Variants in VAV2 observed in about 807,000 individuals in gnomAD.
VAV2 encodes guanine nucleotide exchange factor VAV2.
A neutral mutation model predicts 132.5 loss-of-function variants in VAV2; 67 were observed. The ratio of observed to expected loss-of-function variants is 0.51; its 90% CI spans 0.42 to 0.62. The LOEUF (loss-of-function observed/expected upper bound fraction) is 0.62, where lower values mean the gene tolerates loss of function less well. Ranked by LOEUF, VAV2 falls within the 20% of genes least tolerant of loss-of-function variation. VAV2 has a pLI of 0.00. For missense variants in VAV2, 938 were observed against 1,153.6 expected, an observed-to-expected ratio of 0.81 and a Z score of 2.71; for synonymous variants, 492 against 443.5, an observed-to-expected ratio of 1.11 and a Z score of -1.37.
At chr9:133,862,299 G>A (rs546205857) in intron 2 of VAV2, among the ~76,000 whole-genome samples, 1 of 152,364 alleles carries the variant, frequency 6.6e-6, no homozygotes, top group East Asian at 1.9e-4. Flanking sequence ...AGATGAATAC[G>A]GGGAACCCGC....
rs1833530431 is a variant in VAV2, at chr9:133,769,089, C to T, written c.2434+328G>A. 1.3e-5 allele frequency among the ~76,000 whole-genome samples: 2 copies of T among 152,246 alleles called. No homozygotes were observed. The highest frequency in any genetic ancestry group is 4.8e-5 in the African/African-American group (2 of 41,462). On this transcript the variant is annotated intron_variant, in intron 28 of 29. Transcript: ENST00000371850. This position sits in a 1 kb window ranked among gnomAD's most constrained non-coding sequence, Gnocchi z 8.1. ...CAAGTCCCACAGCTCCTCCTCGTGG[C>T]CACCTGCTTTCTGCTACCAGAGGCA...
At chr9:133,872,435 G>A (rs779323573) in intron 2 of VAV2, among the ~76,000 whole-genome samples, 8 of 152,164 alleles carry the variant, frequency 5.3e-5, no homozygotes, top group Admixed American at 2.6e-4. Context: ...TCCGCGCACC[G>A]TCTTTTCCCC....
chr9:133,792,652 A>G (rs3824559), intron 12 of VAV2, among the ~76,000 whole-genome samples: 74,282 of 147,120 alleles, frequency 0.5, 19,144 homozygotes, highest in South Asian at 0.56. Flanking sequence ...GCACGCACAT[A>G]CATGCAGGAG....
chr9:133,782,143 A>G (rs1481497680), intron 19 of VAV2, among the ~76,000 whole-genome samples: 1 of 152,184 alleles, frequency 6.6e-6, no homozygotes, highest in East Asian at 1.9e-4. Flanking sequence ...CAAAAAAAGA[A>G]AACTTGGAAG....
chr9:133,899,428 A>AG (rs1344224384), intron 2 of VAV2, among the ~76,000 whole-genome samples: 2 of 151,374 alleles, frequency 1.3e-5, no homozygotes, highest in Non-Finnish European at 2.9e-5. Context: ...TTTATTTATG[A>AG]GATGGGGTCT....
intron 1 of VAV2, among the ~76,000 whole-genome samples, chr9:133,941,648 G>A (rs1841166906): frequency 6.6e-6 from 1 of 150,918 alleles, no homozygotes; most frequent in African/African-American, 2.4e-5. Context: ...TGTTTCCCAG[G>A]CTGGAGTGTA....
chr9:133,850,914 C>A (rs1269594257), intron 3 of VAV2, among the ~76,000 whole-genome samples: 1 of 152,224 alleles, frequency 6.6e-6, no homozygotes. Context: ...GACTGGCACA[C>A]CTAGGATGTC....
intron 23 of VAV2, 52 bp downstream of exon 23, chr9:133,777,337 C>G (rs1833851359): frequency 6.3e-7 from 1 of 1,597,540 alleles, no homozygotes; most frequent in African/African-American, 1.3e-5. Flanking sequence ...CTCCCAGAAC[C>G]CTCAGCACCC....
intron 4 of VAV2, among the ~76,000 whole-genome samples, chr9:133,815,530 G>T (rs1011209812): frequency 6.6e-6 from 1 of 152,120 alleles, no homozygotes; most frequent in East Asian, 1.9e-4. Flanking sequence ...TCTGTAGAAT[G>T]TCAACGGTGT....
At chr9:133,939,300 G>C in intron 1 of VAV2, 81 bp from the exon 2 acceptor site, 3 of 1,226,054 alleles carry the variant, frequency 2.4e-6, no homozygotes, top group Non-Finnish European at 3.6e-6. Context: ...AGCAACAGCA[G>C]CAAGCTCTGG....
chr9:133,846,037 A>C (rs1836920685), intron 3 of VAV2, among the ~76,000 whole-genome samples: 1 of 152,184 alleles, frequency 6.6e-6, no homozygotes, highest in African/African-American at 2.4e-5. Context: ...TTTCCTCTAC[A>C]TTCACAGAGC....
At chr9:133,764,188 G>A in intron 29 of VAV2, 79 bp from the exon 30 acceptor site, 2 of 1,578,816 alleles carry the variant, frequency 1.3e-6, no homozygotes, top group Non-Finnish European at 1.7e-6. Context: ...GTTGGGGTGA[G>A]GGCAAGTAGA....
At position 133,885,185 on chromosome 9, in the gene VAV2, G is replaced by A. The variant is rs770013188; in HGVS notation, c.322-23753C>T. ...GACTTCATTTGCTCCAGTGTCCTGCGATTGATTCTTCTGAACTTCTGAGCC... is the reference window on the plus strand; with the variant it reads ...GACTTCATTTGCTCCAGTGTCCTGCAATTGATTCTTCTGAACTTCTGAGCC... On this transcript the variant is annotated intron_variant, in intron 2 of 29. Coordinates refer to ENST00000371850, the MANE Select transcript of VAV2 (RefSeq NM_001134398.2). This position sits in a 1 kb window ranked among gnomAD's most constrained non-coding sequence, Gnocchi z 5.0. 5.9e-5 allele frequency among the ~76,000 whole-genome samples: 9 copies of A among 152,124 alleles called. No homozygotes were observed. The highest frequency in any genetic ancestry group is 2.1e-4 in the South Asian group (1 of 4,824).
chr9:133,922,005 A>G (rs1404201353), intron 2 of VAV2, among the ~76,000 whole-genome samples: 2 of 152,232 alleles, frequency 1.3e-5, no homozygotes, highest in African/African-American at 2.4e-5. Context: ...TGGCGCACGC[A>G]CAGGTGTGTT....
At position 133,769,636 on chromosome 9, in the gene VAV2, A is replaced by G; in HGVS notation, c.2348-133T>C. The G allele has an allele frequency of 1.1e-6, 1 of 946,164 alleles. No homozygotes were observed. The highest frequency in any genetic ancestry group is 1.6e-6 in the Non-Finnish European group (1 of 633,466). 58.6% of individuals were successfully genotyped at this position (946,164 alleles called of 1,614,324 possible). ...CAGGAGAGGCCCTACAGGGGGGCAA[A>G]GGAGGCAGGGGGCAGCACGGGTTGT... On this transcript the variant is annotated intron_variant, in intron 27 of 29. Transcript: ENST00000371850. The surrounding 1 kb of genome is among the most constrained non-coding windows in gnomAD (Gnocchi z 8.1).
chr9:133,941,356 C>G (rs1390729193), intron 1 of VAV2, among the ~76,000 whole-genome samples: 1 of 151,234 alleles, frequency 6.6e-6, no homozygotes, highest in Admixed American at 6.6e-5. Context: ...TGCAGTGAGC[C>G]GAGATCGCAC....
intron 2 of VAV2, among the ~76,000 whole-genome samples, chr9:133,888,395 C>T (rs1838797913): frequency 6.6e-6 from 1 of 152,150 alleles, no homozygotes; most frequent in South Asian, 2.1e-4. Context: ...TAAAACAAAA[C>T]AAAGCAGCAG....
In VAV2 at chr9:133,780,048, G is replaced by C. The variant is rs753964736; in HGVS notation, c.1741-109C>G. 3.4e-6 allele frequency: 5 copies of C among 1,485,004 alleles called. No homozygotes were observed. In the Admixed American group the frequency reaches 7.0e-5, roughly 21 times the overall value. 92.0% of individuals were successfully genotyped at this position (1,485,004 alleles called of 1,614,324 possible). A position where few individuals can be genotyped will look rare whatever the true frequency, so the allele number is the denominator to read the frequency against. On this transcript the variant is annotated intron_variant, in intron 20 of 29. Coordinates refer to ENST00000371850, the MANE Select transcript of VAV2 (RefSeq NM_001134398.2). ...TGTCCCCACTAGTTCCTAGATAGAG[G>C]GGTCAAGGCAGGAGCAGGGGAGGAG... is the stretch of plus-strand genomic sequence containing the variant.
rs868273931 is a variant in VAV2, at chr9:133,935,316, T to G, written c.321+3787A>C. Among the ~76,000 whole-genome samples, 1 of 152,176 alleles carries G rather than the reference T, an allele frequency of 6.6e-6. No individual in the cohort carries two copies. Among genetic ancestry groups the G allele is most frequent in the Non-Finnish European group, 1.5e-5 (1 of 68,038 alleles). ...ATGAAAGGGGCATTCGCTCTTCATC[T>G]CTGTGGCCAGAGGGACCGATGCATG... On this transcript the variant is annotated intron_variant, in intron 2 of 29. Coordinates refer to ENST00000371850, the MANE Select transcript of VAV2 (RefSeq NM_001134398.2). This position sits in a 1 kb window ranked among gnomAD's most constrained non-coding sequence, Gnocchi z 5.2.
Sources: gnomAD v4.1 joint callset for allele counts (sites outside exome capture counted in the v4.1 genomes callset) on GRCh38, gnomAD v4.1.1 for gene constraint, Gnocchi (gnomAD v3.1) non-coding constraint, MANE v1.5 for transcripts, NCBI Gene and HGNC (gene_info 2026-07-23, HGNC 2026-07-21) for gene names.